The following PLAC1 variants were observed in gnomAD, a reference collection of about 807,000 sequenced individuals.
The protein encoded by PLAC1 is placenta-specific protein 1.
For missense variants in PLAC1, 136 were observed against 163.2 expected (o/e 0.83, Z 0.91); for synonymous variants, 68 against 62.1 (o/e 1.09, Z -0.44).
At chrX:134,730,846 G>A (rs1395042267) in intron 2 of PLAC1, among the ~76,000 whole-genome samples, 62 of 111,619 alleles carry the variant, frequency 5.6e-4, no homozygotes, top group Non-Finnish European at 1.1e-4. Context: ...GGATGGAGCC[G>A]CCTCTTGGTA....
intron 1 of PLAC1, among the ~76,000 whole-genome samples, chrX:134,636,266 C>A (rs2078283055): frequency 8.9e-6 from 1 of 112,227 alleles, no homozygotes; most frequent in Non-Finnish European, 1.9e-5. Flanking sequence ...CCACGACAAA[C>A]CCTTGGCATC....
chrX:134,757,484 A>G (rs1386351425), intron 1 of PLAC1, among the ~76,000 whole-genome samples: 1 of 112,459 alleles, frequency 8.9e-6, no homozygotes, highest in Non-Finnish European at 1.9e-5. Flanking sequence ...AAAAAGTGGG[A>G]AACTTTTATA....
At chrX:134,606,961 G>A (rs2078125517) in intron 1 of PLAC1, among the ~76,000 whole-genome samples, 1 of 112,095 alleles carries the variant, frequency 8.9e-6, no homozygotes, top group African/African-American at 3.2e-5. Context: ...TACATCAAAA[G>A]CCCAAACTCC....
intron 2 of PLAC1, among the ~76,000 whole-genome samples, chrX:134,717,371 C>T (rs981577753): frequency 2.7e-5 from 3 of 111,610 alleles, no homozygotes; most frequent in Non-Finnish European, 5.7e-5. Context: ...ATTCTCCTGC[C>T]TCTGCTTCCA....
intron 1 of PLAC1, among the ~76,000 whole-genome samples, chrX:134,617,402 C>T (rs918231873): frequency 1.8e-5 from 2 of 111,858 alleles, no homozygotes; most frequent in African/African-American, 6.5e-5. Context: ...TTGCCTAGTA[C>T]TGGATCTTAG....
chrX:134,595,894 T>C (rs1423411439), intron 2 of PLAC1, among the ~76,000 whole-genome samples: 1 of 110,459 alleles, frequency 9.1e-6, no homozygotes, highest in Non-Finnish European at 1.9e-5. Context: ...AGGATCTAAG[T>C]CTGCCATTTT....
chrX:134,671,826 A>G (rs1257204964), intron 2 of PLAC1, among the ~76,000 whole-genome samples: 2 of 112,126 alleles, frequency 1.8e-5, no homozygotes, highest in East Asian at 5.6e-4. Context: ...AGTTGCATTC[A>G]TAAGAGTCTA....
chrX:134,592,540 C>G (rs888695513), intron 2 of PLAC1, among the ~76,000 whole-genome samples: 3 of 110,680 alleles, frequency 2.7e-5, no homozygotes, highest in African/African-American at 9.9e-5. Flanking sequence ...ACTGACCTCC[C>G]CTGAGGAAGA....
chrX:134,721,293 C>T (rs1215412938), intron 2 of PLAC1, among the ~76,000 whole-genome samples: 1 of 112,206 alleles, frequency 8.9e-6, no homozygotes, highest in African/African-American at 3.2e-5. Context: ...AAAAGACAGG[C>T]TGGGCATGGT....
chrX:134,692,891 G>C (rs952677392), intron 2 of PLAC1, among the ~76,000 whole-genome samples: 2 of 111,798 alleles, frequency 1.8e-5, no homozygotes, highest in Non-Finnish European at 3.8e-5. Context: ...AGGGGGAAGG[G>C]GAGCAATCGG....
intron 1 of PLAC1, among the ~76,000 whole-genome samples, chrX:134,735,251 T>G (rs1602943556): frequency 9.0e-6 from 1 of 111,317 alleles, no homozygotes; most frequent in African/African-American, 3.3e-5. Flanking sequence ...CTGTAACCAG[T>G]AGCAATCTCT....
intron 1 of PLAC1, among the ~76,000 whole-genome samples, chrX:134,647,753 T>G (rs770089341): frequency 1.2e-3 from 134 of 111,593 alleles, no homozygotes; most frequent in Non-Finnish European, 2.4e-3. Flanking sequence ...AGGGTGAATT[T>G]GCCTTCAGAA....
At chrX:134,658,768 C>G (rs1219140271), upstream of PLAC1, among the ~76,000 whole-genome samples, 1 of 112,069 alleles carries the variant, frequency 8.9e-6, no homozygotes, top group East Asian at 2.8e-4. Flanking sequence ...AGGGTTACAA[C>G]ATGGTGGTGG....
intron 2 of PLAC1, among the ~76,000 whole-genome samples, chrX:134,570,555 G>A (rs900334942): frequency 1.8e-5 from 2 of 111,515 alleles, no homozygotes; most frequent in Non-Finnish European, 3.8e-5. Flanking sequence ...CAGTCTCAGG[G>A]TCTGTATCAC....
At chrX:134,665,262 C>T (rs1286181236) in intron 2 of PLAC1, among the ~76,000 whole-genome samples, 1 of 111,807 alleles carries the variant, frequency 8.9e-6, no homozygotes, top group Non-Finnish European at 1.9e-5. Flanking sequence ...AGTCACTGGC[C>T]TTTATCATCA....
intron 2 of PLAC1, among the ~76,000 whole-genome samples, chrX:134,583,423 A>C (rs1203868871): frequency 1.7e-5 from 1 of 59,322 alleles, no homozygotes; most frequent in Non-Finnish European, 3.1e-5. Flanking sequence ...CGTCTAAACC[A>C]CATCTGAGTT....
At chrX:134,569,764 GTGTGTGTGTGTGTGTGTGTGTGTT>G (rs1232051106) in intron 2 of PLAC1, among the ~76,000 whole-genome samples, 4 of 104,569 alleles carry the variant, frequency 3.8e-5, no homozygotes, top group Non-Finnish European at 7.9e-5. Flanking sequence ...GTGTGTGTGT[GTGTGTGTGTGTGTGTGTGTGTGTT>G]TGTGTGTGTG....
intron 2 of PLAC1, among the ~76,000 whole-genome samples, chrX:134,681,911 A>G (rs925336375): frequency 8.9e-6 from 1 of 112,025 alleles, no homozygotes; most frequent in Non-Finnish European, 1.9e-5. Flanking sequence ...GTGTGACAAG[A>G]TGCTTTTTCT....
chrX:134,644,010 T>C (rs1361846830), intron 1 of PLAC1, among the ~76,000 whole-genome samples: 1 of 110,524 alleles, frequency 9.0e-6, no homozygotes, highest in East Asian at 2.8e-4. Context: ...ATTTGTAAAG[T>C]GTTCATAATA....
Sources: gnomAD v4.1 joint callset for allele counts (sites outside exome capture counted in the v4.1 genomes callset) on GRCh38, gnomAD v4.1.1 for gene constraint, MANE v1.5 for transcripts, NCBI Gene and HGNC (gene_info 2026-07-23, HGNC 2026-07-21) for gene names.